ZNF486: variants seen among roughly 807,000 people sequenced by gnomAD.
ZNF486 encodes the protein KRAB box only protein 2.
Under a neutral mutation model 12.8 loss-of-function variants are expected in ZNF486, and 12 were observed. That is an observed-to-expected ratio of 0.94 (90% confidence interval 0.60 to 1.52). The LOEUF (loss-of-function observed/expected upper bound fraction) is 1.52. Among genes scored for constraint, ZNF486 ranks in the 40% most tolerant of loss-of-function variants. The pLI, the probability that ZNF486 is intolerant of heterozygous loss-of-function variation, is 0.00. For missense variants in ZNF486, 738 were observed against 545.0 expected (o/e 1.35, Z -3.53); for synonymous variants, 231 against 184.9 (o/e 1.25, Z -2.02).
At chr19:20,177,271 A>G (rs2089730212) in intron 1 of ZNF486, among the ~76,000 whole-genome samples, 1 of 152,238 alleles carries the variant, frequency 6.6e-6, no homozygotes, top group South Asian at 2.1e-4. Context: ...ACTAGCCAAA[A>G]TATAGAACAC....
chr19:20,175,305 G>A (rs1160016181), intron 1 of ZNF486: 1 of 146,540 alleles, frequency 6.8e-6, no homozygotes, highest in East Asian at 2.0e-4. Context: ...CCAGTGCTTT[G>A]GGTGTCTGTT....
chr19:20,185,404 GTTTTT>G (rs782413355), intron 2 of ZNF486, among the ~76,000 whole-genome samples: 10 of 69,604 alleles, frequency 1.4e-4, no homozygotes, highest in East Asian at 4.6e-4. Flanking sequence ...TATTGTTTAT[GTTTTT>G]TTTTTTTTTT....
In ZNF486 at chr19:20,198,093, A is replaced by C; in HGVS notation, c.1383A>C (p.Pro461=). Residue 461 remains proline (P), a synonymous_variant, in exon 4 of 4, where the codon CCA becomes CCC. Coordinates refer to ENST00000335117, the MANE Select transcript of ZNF486 (RefSeq NM_052852.4). The part of the protein sequence containing the change: ...KHKRIHIGQK[P]RT The stretch of plus-strand genomic sequence containing the variant: ...AGAGAATTCATATTGGACAGAAACC[A>C]AGAACGTGACAAAGGATTATTTTAT... 1.3e-6 allele frequency: 2 copies of C among 1,580,872 alleles called. No homozygotes were observed. Among genetic ancestry groups the C allele is most frequent in the Non-Finnish European group, 1.7e-6 (2 of 1,164,486 alleles).
intron 1 of ZNF486, among the ~76,000 whole-genome samples, chr19:20,181,546 A>C (rs924538615): frequency 7.3e-5 from 11 of 151,248 alleles, no homozygotes; most frequent in Non-Finnish European, 1.3e-4. Flanking sequence ...CAAAAAACAA[A>C]AAAAAAAAAA....
Position 20,184,338 on chromosome 19 carries a change from T to A in ZNF486, c.31-18T>A. 1 of 1,611,410 alleles carries A rather than the reference T, an allele frequency of 6.2e-7. No individual in the cohort carries two copies. Among genetic ancestry groups the A allele is most frequent in the South Asian group, 1.1e-5 (1 of 91,040 alleles). On this transcript the variant is annotated intron_variant, in intron 1 of 3. Coordinates refer to ENST00000335117, the MANE Select transcript of ZNF486 (RefSeq NM_052852.4). ...AACGGCGACTTGGTGAAAATGTGTG[T>A]GTGTGTGTGTTTTTCAGGAATCATT...
intron 1 of ZNF486, among the ~76,000 whole-genome samples, chr19:20,174,404 T>C (rs1555714345): frequency 6.6e-6 from 1 of 151,950 alleles, no homozygotes; most frequent in African/African-American, 2.4e-5. Flanking sequence ...TTTCTTCTTT[T>C]TTTTTTTTGA....
In ZNF486 at chr19:20,197,360, A is replaced by T. The variant is rs2089969614; in HGVS notation, c.650A>T (p.Lys217Ile). The T allele has an allele frequency of 6.2e-7, 1 of 1,613,666 alleles. No homozygotes were observed. Among genetic ancestry groups the T allele is most frequent in the African/African-American group, 1.3e-5 (1 of 75,046 alleles). The change falls in exon 4 of 4, where the codon AAA (lysine) becomes ATA (isoleucine). Residue 217 changes from lysine to isoleucine, a missense_variant. Transcript: ENST00000335117. ...EKPYKCEECGKAFNRSSHLTT... is the reference protein window; with the variant it reads ...EKPYKCEECGIAFNRSSHLTT... ...CCATACAAATGTGAAGAATGTGGCAAAGCCTTCAACCGGTCCTCACACCTT... is the reference window on the plus strand; with the variant it reads ...CCATACAAATGTGAAGAATGTGGCATAGCCTTCAACCGGTCCTCACACCTT...
At chr19:20,181,129 C>T (rs182240147) in intron 1 of ZNF486, among the ~76,000 whole-genome samples, 85 of 152,268 alleles carry the variant, frequency 5.6e-4, no homozygotes, top group Admixed American at 4.7e-3. Context: ...AGGTCTGACC[C>T]TACCCTGGAG....
rs781965467 is a variant in ZNF486, at chr19:20,186,784, G to GTTTTTTTTTGTT, written c.253+711_253+712insGTTTTTTTTTTT. 1.7e-3 allele frequency among the ~76,000 whole-genome samples: 205 copies of GTTTTTTTTTGTT among 122,460 alleles called. 4 individuals carry two copies. Among genetic ancestry groups the GTTTTTTTTTGTT allele is most frequent in the African/African-American group, 6.3e-3 (193 of 30,684 alleles). 80.3% of individuals were successfully genotyped at this position (122,460 alleles called of 152,430 possible). On this transcript the variant is annotated intron_variant, in intron 3 of 3. Coordinates refer to ENST00000335117, the MANE Select transcript of ZNF486 (RefSeq NM_052852.4). ...TGGATCTTCTCTAATATTTTCATAG[G>GTTTTTTTTTGTT]TTTTTTTTTTTTTTTTTGAGAAGGA...
intron 1 of ZNF486, among the ~76,000 whole-genome samples, chr19:20,184,061 G>T (rs2089815288): frequency 6.6e-6 from 1 of 152,104 alleles, no homozygotes; most frequent in African/African-American, 2.4e-5. Context: ...GATTCTGTAT[G>T]ATGTAAATAT....
At chr19:20,171,251 A>G (rs1203036939) in intron 1 of ZNF486, among the ~76,000 whole-genome samples, 1 of 152,212 alleles carries the variant, frequency 6.6e-6, no homozygotes, top group African/African-American at 2.4e-5. Flanking sequence ...CACACTGCCC[A>G]TTGTCCTGTG....
intron 1 of ZNF486, among the ~76,000 whole-genome samples, chr19:20,178,324 A>G (rs2089746212): frequency 6.6e-6 from 1 of 151,922 alleles, no homozygotes; most frequent in South Asian, 2.1e-4. Context: ...GCTCACTGCA[A>G]GCTCCACCTC....
At position 20,199,893 on chromosome 19, in the gene ZNF486, G is replaced by A. The variant is rs1386213624; in HGVS notation, c.*1791G>A. 1 of 151,988 alleles carries A rather than the reference G, an allele frequency of 6.6e-6. No homozygotes were observed. Among genetic ancestry groups the A allele is most frequent in the African/African-American group, 2.4e-5 (1 of 41,404 alleles). 9.4% of individuals were successfully genotyped at this position (151,988 alleles called of 1,614,324 possible). A position where few individuals can be genotyped will look rare whatever the true frequency, so the allele number is the denominator to read the frequency against. On this transcript the variant is annotated 3_prime_UTR_variant, in exon 4 of 4. Transcript: ENST00000335117. ...GTTCAAGACCATCTTGGCCAAGATG[G>A]TGAAACCCTGTCTGTACTAAAAATA...
At chr19:20,167,681 C>G (rs868933908) in intron 1 of ZNF486, among the ~76,000 whole-genome samples, 1 of 152,098 alleles carries the variant, frequency 6.6e-6, no homozygotes, top group Non-Finnish European at 1.5e-5. Flanking sequence ...AATCTTGACT[C>G]GGGGTGCGGG....
At chr19:20,180,021 A>C (rs2089767387) in intron 1 of ZNF486, among the ~76,000 whole-genome samples, 1 of 152,248 alleles carries the variant, frequency 6.6e-6, no homozygotes, top group Non-Finnish European at 1.5e-5. Context: ...CCACCAAGGC[A>C]GTTGTTTTCT....
chr19:20,183,519 A>C (rs1440901205), intron 1 of ZNF486, among the ~76,000 whole-genome samples: 5 of 152,198 alleles, frequency 3.3e-5, no homozygotes, highest in Admixed American at 1.3e-4. Flanking sequence ...TTTATGGTTA[A>C]ATTCAGATTT....
intron 3 of ZNF486, among the ~76,000 whole-genome samples, chr19:20,192,180 A>AT (rs1320592919): frequency 2.0e-5 from 3 of 151,954 alleles, no homozygotes; most frequent in Non-Finnish European, 4.4e-5. Flanking sequence ...TGATATACAC[A>AT]TTTTTTTCCT....
At position 20,167,314 on chromosome 19, in the gene ZNF486, G is replaced by T. The variant is rs1555713146; in HGVS notation, c.-17G>T. 1 of 1,614,062 alleles carries T rather than the reference G, an allele frequency of 6.2e-7. No homozygotes were observed. Among genetic ancestry groups the T allele is most frequent in the South Asian group, 1.1e-5 (1 of 91,062 alleles). On this transcript the variant is annotated 5_prime_UTR_variant, in exon 1 of 4. Transcript: ENST00000335117. ...GTGGCCCTGTGTCCTGTAGGTATTG[G>T]GAGATCCACAGCCAAGATGCCGGGA... is the stretch of plus-strand genomic sequence containing the variant.
chr19:20,196,178 C>A (rs1479774910), intron 3 of ZNF486, among the ~76,000 whole-genome samples: 1 of 152,108 alleles, frequency 6.6e-6, no homozygotes, highest in Non-Finnish European at 1.5e-5. Context: ...CCATGCCTGG[C>A]TAATTTGTTT....
Sources: allele counts gnomAD v4.1 joint callset (sites outside exome capture counted in the v4.1 genomes callset), GRCh38; gene constraint gnomAD v4.1.1; transcripts MANE v1.5; gene names NCBI Gene and HGNC (gene_info 2026-07-23, HGNC 2026-07-21).